UVRAG: variants seen among roughly 807,000 people sequenced by gnomAD.
UVRAG encodes UV radiation resistance associated, also known as UV radiation resistance-associated gene protein.
UVRAG carries 19 observed loss-of-function variants against 78.0 expected under a neutral mutation model. The observed-to-expected ratio is 0.24, with a 90% CI of 0.17 to 0.36. The LOEUF is 0.36. UVRAG is among the 10% of genes least tolerant of loss of function. The pLI is 1.00. For synonymous variants in UVRAG, 323 were observed against 324.6 expected, an observed-to-expected ratio of 1.00 and a Z score of 0.05; for missense variants, 740 against 853.8, an observed-to-expected ratio of 0.87 and a Z score of 1.66.
intron 12 of UVRAG, among the ~76,000 whole-genome samples, chr11:76,058,320 C>T (rs1184447911): frequency 1.3e-5 from 2 of 151,876 alleles, no homozygotes; most frequent in African/African-American, 4.8e-5. Flanking sequence ...TGCTTGAGCC[C>T]AGGAGTTCAA....
chr11:76,098,510 T>C (rs1354794479), intron 13 of UVRAG, among the ~76,000 whole-genome samples: 1 of 152,200 alleles, frequency 6.6e-6, no homozygotes, highest in African/African-American at 2.4e-5. Flanking sequence ...AATGGCTTTT[T>C]ATTAGATTGT....
chr11:76,080,909 A>G (rs995189735), intron 13 of UVRAG, among the ~76,000 whole-genome samples: 5 of 152,234 alleles, frequency 3.3e-5, no homozygotes, highest in African/African-American at 7.2e-5. Flanking sequence ...TTGCCACTTG[A>G]TAACTGTGGC....
intron 12 of UVRAG, among the ~76,000 whole-genome samples, chr11:76,023,683 T>C (rs1433450742): frequency 6.6e-6 from 1 of 152,146 alleles, no homozygotes; most frequent in Non-Finnish European, 1.5e-5. Context: ...AGACCTATGC[T>C]GAGCTGGAGA....
chr11:75,899,003 A>C (rs931025220), intron 5 of UVRAG, among the ~76,000 whole-genome samples: 2 of 152,176 alleles, frequency 1.3e-5, no homozygotes, highest in Middle Eastern at 3.2e-3. Context: ...AAAGAGCTGG[A>C]TATGGTGTAT....
intron 5 of UVRAG, chr11:75,892,179 G>A (rs778604915): frequency 1.7e-4 from 42 of 244,362 alleles, no homozygotes; most frequent in Non-Finnish European, 2.6e-4. Context: ...TGCGTGGTTA[G>A]ACAGGTTGTT....
intron 12 of UVRAG, among the ~76,000 whole-genome samples, chr11:76,064,704 A>G (rs1183286869): frequency 6.6e-6 from 1 of 152,082 alleles, no homozygotes; most frequent in African/African-American, 2.4e-5. Flanking sequence ...TATTTCCTTT[A>G]TTTTATTTTC....
chr11:75,910,577 T>G (rs1045514049), intron 5 of UVRAG, among the ~76,000 whole-genome samples: 1 of 148,140 alleles, frequency 6.8e-6, no homozygotes, highest in Non-Finnish European at 1.5e-5. Context: ...GCTCTTTCAC[T>G]CAGGCTGGAG....
chr11:75,892,333 C>T, intron 5 of UVRAG: 1 of 985,422 alleles, frequency 1.0e-6, no homozygotes, highest in Non-Finnish European at 1.2e-6. Flanking sequence ...CTTTCATGAC[C>T]TTTTCTCCTG....
At chr11:75,854,466 G>T (rs796792720) in intron 2 of UVRAG, among the ~76,000 whole-genome samples, 1 of 151,900 alleles carries the variant, frequency 6.6e-6, no homozygotes, top group South Asian at 2.1e-4. Context: ...GCCCAGGCTG[G>T]AGTGCAGTGG....
chr11:75,864,385 T>A (rs1477128771), intron 3 of UVRAG, among the ~76,000 whole-genome samples: 1 of 152,206 alleles, frequency 6.6e-6, no homozygotes, highest in Non-Finnish European at 1.5e-5. Flanking sequence ...GAGGGAGCTC[T>A]TTTTTCTTAG....
At chr11:76,032,922 G>A (rs1448456906) in intron 12 of UVRAG, among the ~76,000 whole-genome samples, 2 of 152,154 alleles carry the variant, frequency 1.3e-5, no homozygotes. Context: ...TTTAGTCTAA[G>A]TATAAATTAA....
rs1332941182 is a variant in UVRAG, at chr11:75,870,078, A to T, written c.270+8298A>T. On this transcript the variant is annotated intron_variant, in intron 3 of 14. Coordinates refer to ENST00000356136, the MANE Select transcript of UVRAG (RefSeq NM_003369.4). ...GGCGGGTATGTATAGGTTAAATATA[A>T]ATAAAAAAATCATCTGGGTCTATAT... Among the ~76,000 whole-genome samples, 14 of 152,302 alleles carry T rather than the reference A, an allele frequency of 9.2e-5. No homozygotes were observed. The Middle Eastern group carries it at 0.01, about 111-fold the overall frequency.
At chr11:75,852,635 T>TA (rs1946179913) in intron 2 of UVRAG, among the ~76,000 whole-genome samples, 1 of 152,130 alleles carries the variant, frequency 6.6e-6, no homozygotes, top group Non-Finnish European at 1.5e-5. Flanking sequence ...TGATGGAAAA[T>TA]ACTTCCGTAC....
intron 12 of UVRAG, among the ~76,000 whole-genome samples, chr11:76,062,376 C>T (rs1428828677): frequency 1.3e-5 from 2 of 152,166 alleles, no homozygotes; most frequent in Non-Finnish European, 2.9e-5. Context: ...TTGTGTTTGT[C>T]GCCCTTCTCT....
chr11:75,926,148 A>G (rs143202304), intron 6 of UVRAG, among the ~76,000 whole-genome samples: 33 of 152,258 alleles, frequency 2.2e-4, no homozygotes, highest in Admixed American at 1.4e-3. Context: ...GGAGCCCTCC[A>G]GAGTGTGCTT....
intron 7 of UVRAG, among the ~76,000 whole-genome samples, chr11:75,974,651 C>T (rs1368607305): frequency 6.6e-6 from 1 of 152,108 alleles, no homozygotes; most frequent in Admixed American, 6.5e-5. Context: ...CAGGCGTGAG[C>T]CACCGCGCCC....
intron 8 of UVRAG, among the ~76,000 whole-genome samples, chr11:76,003,202 G>A (rs979512666): frequency 9.6e-5 from 14 of 145,768 alleles, no homozygotes; most frequent in African/African-American, 3.5e-4. Flanking sequence ...TGTAAAAATA[G>A]TTGAAAAATC....
At chr11:76,026,105 A>G (rs1950321850) in intron 12 of UVRAG, among the ~76,000 whole-genome samples, 1 of 152,086 alleles carries the variant, frequency 6.6e-6, no homozygotes, top group Non-Finnish European at 1.5e-5. Flanking sequence ...AATGAATGAA[A>G]ATGTCTTTCT....
chr11:76,016,857 C>G lies in UVRAG; in HGVS notation c.1103C>G (p.Ala368Gly). ...GSIAVALGYT[A>G]HLVSMISFFL... Reference sequence around the variant, plus strand: ...ATTGCTGTTGCCCTTGGTTATACTGCACATCTGGTCTCCATGATTTCCTTT... The same window carrying G: ...ATTGCTGTTGCCCTTGGTTATACTGGACATCTGGTCTCCATGATTTCCTTT... The change falls in exon 12 of 15, where the codon GCA becomes GGA. Residue 368 changes from alanine (A) to glycine (G), a missense_variant. Coordinates refer to ENST00000356136, the MANE Select transcript of UVRAG (RefSeq NM_003369.4). 1 of 1,611,224 alleles carries G rather than the reference C, an allele frequency of 6.2e-7. No individual in the cohort carries two copies. Among genetic ancestry groups the G allele is most frequent in the Non-Finnish European group, 8.5e-7 (1 of 1,178,244 alleles).
Sources: allele counts gnomAD v4.1 joint callset (sites outside exome capture counted in the v4.1 genomes callset), GRCh38; gene constraint gnomAD v4.1.1; transcripts MANE v1.5; gene names NCBI Gene and HGNC (gene_info 2026-07-23, HGNC 2026-07-21).